Variants in XKR6 observed in about 807,000 individuals in gnomAD.
XKR6 encodes the protein XK related 6.
In XKR6, 22 loss-of-function variants were observed where a neutral mutation model predicts 56.7. That is an observed-to-expected ratio of 0.39 (90% confidence interval 0.28 to 0.55). XKR6 has a LOEUF of 0.55. XKR6 is among the 20% of genes least tolerant of loss of function. XKR6 has a pLI of 0.66. For synonymous variants in XKR6, 524 were observed against 387.8 expected (o/e 1.35, Z -4.13); for missense variants, 852 against 889.0 (o/e 0.96, Z 0.53).
intron 1 of XKR6, among the ~76,000 whole-genome samples, chr8:10,971,386 A>C (rs932416962): frequency 3.9e-5 from 6 of 152,078 alleles, no homozygotes; most frequent in African/African-American, 1.4e-4. Flanking sequence ...GCACCACTGC[A>C]CTCCAGCCTG....
At chr8:10,956,387 C>G (rs997184741) in intron 1 of XKR6, among the ~76,000 whole-genome samples, 1 of 152,114 alleles carries the variant, frequency 6.6e-6, no homozygotes, top group African/African-American at 2.4e-5. Context: ...GCCCTGGAGA[C>G]CCATCTGCAG....
chr8:10,994,105 C>A (rs894639710), intron 1 of XKR6, among the ~76,000 whole-genome samples: 4 of 152,214 alleles, frequency 2.6e-5, no homozygotes, highest in African/African-American at 9.6e-5. Flanking sequence ...GGTTCCCCAA[C>A]CTCTAACTGA....
At chr8:11,194,124 A>G (rs1240664962) in intron 1 of XKR6, among the ~76,000 whole-genome samples, 1 of 152,256 alleles carries the variant, frequency 6.6e-6, no homozygotes, top group African/African-American at 2.4e-5. Flanking sequence ...CACTTGCTTT[A>G]AAAATAGATT....
Position 11,201,184 on chromosome 8 carries a change from G to T in XKR6, c.156C>A (p.Ser52Arg), listed in dbSNP as rs1249835141. 1 of 1,528,658 alleles carries T rather than the reference G, an allele frequency of 6.5e-7. No homozygotes were observed. Among genetic ancestry groups the T allele is most frequent in the Admixed American group, 2.0e-5 (1 of 50,524 alleles). 94.7% of individuals were successfully genotyped at this position (1,528,658 alleles called of 1,614,324 possible). ...TGCAGCAGTGGCAGATGTGCATCGA[G>T]CTGCTCTCGCCGGGCTCGCTGCCGT... ...GGDGSEPGES[S>R]SMHICHCCNT... The change falls in exon 1 of 3, where the codon AGC becomes AGA. Residue 52 changes from serine (S) to arginine (R), a missense_variant. By Grantham distance (110) the Ser-to-Arg change is moderately radical. Transcript: ENST00000416569.
intron 1 of XKR6, among the ~76,000 whole-genome samples, chr8:11,012,550 T>C (rs1429671703): frequency 1.3e-5 from 2 of 152,086 alleles, no homozygotes; most frequent in African/African-American, 2.4e-5. Context: ...ATCCCTAGTC[T>C]ACCCAGACAT....
At chr8:10,924,133 A>T (rs988977699) in intron 2 of XKR6, among the ~76,000 whole-genome samples, 2 of 152,222 alleles carry the variant, frequency 1.3e-5, no homozygotes, top group Non-Finnish European at 2.9e-5. Context: ...CTGGAACTTG[A>T]ACAGAGCTAC....
At chr8:11,001,878 C>T (rs894568059) in intron 1 of XKR6, among the ~76,000 whole-genome samples, 1 of 152,114 alleles carries the variant, frequency 6.6e-6, no homozygotes, top group Non-Finnish European at 1.5e-5. Flanking sequence ...CCTGGAGAGA[C>T]CTTGGAGAGC....
chr8:11,101,218 G>A lies in XKR6; in HGVS notation c.764+99358C>T, dbSNP rs547045921. Among the ~76,000 whole-genome samples, 7 of 152,294 alleles carry A rather than the reference G, an allele frequency of 4.6e-5. No individual in the cohort carries two copies. The East Asian group carries it at 9.6e-4, about 21-fold the overall frequency. ...GTAAGTGCAGAAATTATACACGAGA[G>A]TCATTGAAACTGAGTTTATAAGAGT... On this transcript the variant is annotated intron_variant, in intron 1 of 2. Transcript: ENST00000416569.
intron 1 of XKR6, among the ~76,000 whole-genome samples, chr8:11,085,795 C>G (rs1317724122): frequency 2.0e-5 from 3 of 152,186 alleles, no homozygotes; most frequent in Non-Finnish European, 4.4e-5. Context: ...TCTCCCCTTC[C>G]TCCTCATACC....
chr8:10,984,724 C>CTATATATATATATA (rs1393662292), intron 1 of XKR6, among the ~76,000 whole-genome samples: 2 of 74,892 alleles, frequency 2.7e-5, no homozygotes, highest in African/African-American at 1.2e-4. Flanking sequence ...CTCTCTCTCT[C>CTATATATATATATA]TCTCTCTCTA....
At chr8:11,041,290 G>C (rs529453078) in intron 1 of XKR6, among the ~76,000 whole-genome samples, 1 of 152,172 alleles carries the variant, frequency 6.6e-6, no homozygotes, top group African/African-American at 2.4e-5. Context: ...GGGCGCGGTG[G>C]CTCACGCCTG....
chr8:11,010,753 C>G (rs753489296), intron 1 of XKR6, among the ~76,000 whole-genome samples: 3 of 151,622 alleles, frequency 2.0e-5, no homozygotes, highest in Non-Finnish European at 2.9e-5. Context: ...ACCTTTTTTT[C>G]TAAAACAGTG....
chr8:11,161,758 G>A (rs1055551675), intron 1 of XKR6, among the ~76,000 whole-genome samples: 14 of 151,960 alleles, frequency 9.2e-5, no homozygotes, highest in African/African-American at 3.4e-4. Flanking sequence ...CTTATTATTG[G>A]TATTTTAATA....
At chr8:11,166,678 T>C (rs1480359088) in intron 1 of XKR6, among the ~76,000 whole-genome samples, 1 of 152,042 alleles carries the variant, frequency 6.6e-6, no homozygotes, top group Non-Finnish European at 1.5e-5. Flanking sequence ...GTTCAAGCGA[T>C]TCTCCTGCCT....
chr8:11,080,808 C>T (rs1797692221), intron 1 of XKR6, among the ~76,000 whole-genome samples: 1 of 152,276 alleles, frequency 6.6e-6, no homozygotes, highest in East Asian at 1.9e-4. Flanking sequence ...TCTGGCCACT[C>T]TGTGGCTTAT....
chr8:10,976,204 C>T (rs1487317414), intron 1 of XKR6, among the ~76,000 whole-genome samples: 4 of 151,780 alleles, frequency 2.6e-5, no homozygotes, highest in Non-Finnish European at 4.4e-5. Context: ...CCCCCCCCAA[C>T]CTCGCCACCA....
rs145621754 is a variant in XKR6, at chr8:11,179,593, A to T, written c.764+20983T>A. 8.1e-4 allele frequency among the ~76,000 whole-genome samples: 123 copies of T among 152,190 alleles called. 1 individual carries two copies. In the Middle Eastern group the frequency reaches 0.01, roughly 13 times the overall value. ...ACTAGAGTTTCAGTCCTACCCTTCA[A>T]CAGAAGCCCAACTCAGGTTTCATCA... On this transcript the variant is annotated intron_variant, in intron 1 of 2. Coordinates refer to ENST00000416569, the MANE Select transcript of XKR6 (RefSeq NM_173683.4).
chr8:11,032,052 C>T (rs1381012191), intron 1 of XKR6, among the ~76,000 whole-genome samples: 1 of 152,176 alleles, frequency 6.6e-6, no homozygotes, highest in Admixed American at 6.5e-5. Context: ...ACAGGGCTCC[C>T]CCGTGGGGCA....
intron 1 of XKR6, among the ~76,000 whole-genome samples, chr8:11,120,577 G>A (rs1251315546): frequency 6.6e-6 from 1 of 152,050 alleles, no homozygotes; most frequent in Non-Finnish European, 1.5e-5. Flanking sequence ...CTCATGGGTA[G>A]GAAGAATCAA....
Sources: allele counts gnomAD v4.1 joint callset (sites outside exome capture counted in the v4.1 genomes callset), GRCh38; gene constraint gnomAD v4.1.1; transcripts MANE v1.5; gene names NCBI Gene and HGNC (gene_info 2026-07-23, HGNC 2026-07-21).